CAST: variants seen among roughly 807,000 people sequenced by gnomAD.
The protein encoded by CAST is calpastatin.
A neutral mutation model predicts 119.6 loss-of-function variants in CAST; 76 were observed. That is an observed-to-expected ratio of 0.64 (90% CI 0.53 to 0.77). The LOEUF is 0.77. CAST is among the 30% of genes least tolerant of loss of function. The pLI is 0.00. For missense variants in CAST, 953 were observed against 946.5 expected, an observed-to-expected ratio of 1.01 and a Z score of -0.09; for synonymous variants, 319 against 331.6, an observed-to-expected ratio of 0.96 and a Z score of 0.41.
the CAST span, among the ~76,000 whole-genome samples, chr5:96,176,002 T>G: frequency 6.6e-6 from 1 of 152,348 alleles, no homozygotes; most frequent in Admixed American, 6.5e-5. Flanking sequence ...GGGTAAGTGC[T>G]ACCATAGCGG....
At position 96,551,291 on chromosome 5, in the gene CAST, C is replaced by T. The variant is rs1010688533; in HGVS notation, c.60+21411C>T. Reference sequence around the variant, plus strand: ...CATTCTTAAAGAAAAGAATTTTCAACGCAGAATTTCATATCCAGCCAAACT... The same window carrying T: ...CATTCTTAAAGAAAAGAATTTTCAATGCAGAATTTCATATCCAGCCAAACT... On this transcript the variant is annotated intron_variant, in intron 1 of 11. Coordinates refer to the CAST transcript ENST00000505143. 9.2e-5 allele frequency among the ~76,000 whole-genome samples: 14 copies of T among 152,258 alleles called. No individual in the cohort carries two copies. In the South Asian group the frequency reaches 1.0e-3, roughly 11 times the overall value.
At chr5:96,322,774 T>C in the CAST span, among the ~76,000 whole-genome samples, 14 of 152,176 alleles carry the variant, frequency 9.2e-5, no homozygotes, top group Admixed American at 3.3e-4. Context: ...AAGTTCTAAA[T>C]AACCCCACAT....
the CAST span, among the ~76,000 whole-genome samples, chr5:96,313,130 A>C: frequency 3.3e-5 from 5 of 152,272 alleles, no homozygotes; most frequent in South Asian, 1.0e-3. Context: ...TCAAACAAAA[A>C]ATCAAGATAC....
intron 15 of CAST, 140 bp downstream of exon 15, chr5:96,741,720 TG>T (rs1404715019): frequency 3.2e-6 from 2 of 620,386 alleles, no homozygotes; most frequent in South Asian, 2.0e-5. Flanking sequence ...GTGAAGCCAA[TG>T]AGGGTTATGT....
the CAST span, among the ~76,000 whole-genome samples, chr5:96,280,728 T>G: frequency 1.3e-5 from 2 of 152,212 alleles, no homozygotes; most frequent in African/African-American, 4.8e-5. Context: ...AAAATACCAG[T>G]AGAACAGAAC....
intron 15 of CAST, chr5:96,742,450 C>A: frequency 3.7e-6 from 2 of 545,964 alleles, no homozygotes; most frequent in Non-Finnish European, 6.6e-6. Context: ...ACTGTAGAAA[C>A]GTGTCTTAGC....
At chr5:96,374,136 A>G in the CAST span, among the ~76,000 whole-genome samples, 1,484 of 152,310 alleles carry the variant, frequency 9.7e-3, 30 homozygotes, top group African/African-American at 0.034. Context: ...AGCTACTCAG[A>G]TAAACTTGGT....
the CAST span, among the ~76,000 whole-genome samples, chr5:96,359,145 T>C: frequency 6.6e-6 from 1 of 152,212 alleles, no homozygotes; most frequent in Non-Finnish European, 1.5e-5. Flanking sequence ...TATCAGAAAC[T>C]AGGATTGCAA....
the CAST span, among the ~76,000 whole-genome samples, chr5:96,283,129 CAAAAAAAAAAA>C: frequency 4.1e-5 from 1 of 24,322 alleles, no homozygotes; most frequent in African/African-American, 1.9e-4. Flanking sequence ...GACTCCGTCT[CAAAAAAAAAAA>C]AAAAAGAAAA....
At chr5:96,067,163 A>C in the CAST span, among the ~76,000 whole-genome samples, 385 of 152,316 alleles carry the variant, frequency 2.5e-3, 2 homozygotes, top group African/African-American at 8.6e-3. Context: ...CTTTGTTTAA[A>C]GTTAATGCCA....
At chr5:96,105,347 A>T in the CAST span, among the ~76,000 whole-genome samples, 24 of 152,174 alleles carry the variant, frequency 1.6e-4, no homozygotes, top group African/African-American at 5.5e-4. Flanking sequence ...GTTTTTGTCC[A>T]TTCAGTATGA....
chr5:96,301,569 T>C, the CAST span, among the ~76,000 whole-genome samples: 2 of 152,256 alleles, frequency 1.3e-5, no homozygotes, highest in Middle Eastern at 6.8e-3. Context: ...ATTTCCAAGA[T>C]ACAATGGGGG....
chr5:96,610,651 A>G (rs1434998716), intron 1 of CAST, among the ~76,000 whole-genome samples: 2 of 152,212 alleles, frequency 1.3e-5, no homozygotes, highest in Non-Finnish European at 2.9e-5. Context: ...TCAACACAGT[A>G]CTAAAAGTCC....
the CAST span, among the ~76,000 whole-genome samples, chr5:96,234,621 A>T: frequency 6.6e-6 from 1 of 152,104 alleles, no homozygotes; most frequent in Admixed American, 6.6e-5. Context: ...TTTTGCCCTC[A>T]TTCTCTCATG....
intron 2 of CAST, among the ~76,000 whole-genome samples, chr5:96,683,409 C>G (rs1477812329): frequency 1.3e-5 from 2 of 152,120 alleles, no homozygotes; most frequent in Admixed American, 1.3e-4. Flanking sequence ...TATTTTATAC[C>G]AGGAATTCTT....
chr5:96,394,215 A>T, the CAST span, among the ~76,000 whole-genome samples: 2 of 152,230 alleles, frequency 1.3e-5, no homozygotes, highest in African/African-American at 4.8e-5. Flanking sequence ...ACTGTGCTAG[A>T]TGCTGGGATA....
the CAST span, among the ~76,000 whole-genome samples, chr5:96,014,820 T>G: frequency 6.6e-6 from 1 of 152,142 alleles, no homozygotes; most frequent in East Asian, 1.9e-4. Context: ...TAAATAAATT[T>G]TAATTTGGAA....
chr5:96,102,548 G>A, the CAST span, among the ~76,000 whole-genome samples: 5 of 152,256 alleles, frequency 3.3e-5, no homozygotes, highest in Admixed American at 6.5e-5. Context: ...TTCTCACTTT[G>A]GGCCGTGGGT....
At chr5:95,987,294 C>T in the CAST span, among the ~76,000 whole-genome samples, 3 of 151,590 alleles carry the variant, frequency 2.0e-5, no homozygotes, top group Non-Finnish European at 4.4e-5. Flanking sequence ...TCTTTTTTTT[C>T]TCTCTCTCTC....
Sources: gnomAD v4.1 joint callset for allele counts (sites outside exome capture counted in the v4.1 genomes callset) on GRCh38, gnomAD v4.1.1 for gene constraint, MANE v1.5 for transcripts, NCBI Gene and HGNC (gene_info 2026-07-23, HGNC 2026-07-21) for gene names.